Variants in ERBB4 observed in about 807,000 individuals in gnomAD.
The protein encoded by ERBB4 is receptor tyrosine-protein kinase erbB-4.
In ERBB4, 42 loss-of-function variants were observed where a neutral mutation model predicts 158.0. That is an observed-to-expected ratio of 0.27 (90% CI 0.21 to 0.34). The LOEUF (loss-of-function observed/expected upper bound fraction) is 0.34. Ranked by LOEUF, ERBB4 falls within the 10% of genes least tolerant of loss-of-function variation. The probability of loss-of-function intolerance (pLI) is 1.00; values close to 1 mark genes in which losing one functional copy is unlikely to be tolerated. For missense variants in ERBB4, 1,333 were observed against 1,624.1 expected (o/e 0.82, Z 3.08); for synonymous variants, 583 against 558.7 (o/e 1.04, Z -0.61).
At chr2:211,735,043 G>A (rs10932395) in intron 5 of ERBB4, among the ~76,000 whole-genome samples, 101,586 of 151,680 alleles carry the variant, frequency 0.67, 34,878 homozygotes, top group African/African-American at 0.82. Context: ...AAAACACACA[G>A]AACAAAATCC....
rs1209788009 is a variant in ERBB4, at chr2:211,725,189, T to C, written c.628A>G (p.Arg210Gly). 1 of 1,611,754 alleles carries C rather than the reference T, an allele frequency of 6.2e-7. No individual in the cohort carries two copies. The change falls in exon 6 of 28, where the codon AGG becomes GGG. Residue 210 changes from arginine (R) to glycine (G), a missense_variant. Arg to Gly is a moderately radical substitution (Grantham distance 125). Transcript: ENST00000342788. Reference protein sequence around the residue: ...PTENHCQTLTRTVCAEQCDGR... With the variant: ...PTENHCQTLTGTVCAEQCDGR... ...TCACATTGTTCTGCACACACCGTCC[T>C]TGTCACTGCAGAAGACAGAGATAGG...
At chr2:211,450,658 T>C (rs2064223406) in intron 20 of ERBB4, among the ~76,000 whole-genome samples, 1 of 152,152 alleles carries the variant, frequency 6.6e-6, no homozygotes, top group Admixed American at 6.5e-5. Flanking sequence ...TGGATGGTGA[T>C]ATATGCAGGA....
intron 3 of ERBB4, among the ~76,000 whole-genome samples, chr2:211,931,380 A>G (rs936595777): frequency 1.3e-4 from 20 of 152,098 alleles, no homozygotes; most frequent in African/African-American, 4.6e-4. Flanking sequence ...ACCCTAATAG[A>G]GGTCCCTAGA....
intron 1 of ERBB4, among the ~76,000 whole-genome samples, chr2:212,409,167 A>G (rs1283310): frequency 0.61 from 92,716 of 151,934 alleles, 29,951 homozygotes; most frequent in African/African-American, 0.81. Context: ...TAGCTTGGAC[A>G]GGGAACAGGT....
At chr2:212,175,918 T>TAA (rs1253943197) in intron 1 of ERBB4, among the ~76,000 whole-genome samples, 1 of 151,988 alleles carries the variant, frequency 6.6e-6, no homozygotes, top group Non-Finnish European at 1.5e-5. Flanking sequence ...ACCCAGCAGC[T>TAA]AAGACCAATT....
At chr2:211,762,610 C>T (rs2075443699) in intron 4 of ERBB4, among the ~76,000 whole-genome samples, 1 of 152,206 alleles carries the variant, frequency 6.6e-6, no homozygotes, top group African/African-American at 2.4e-5. Flanking sequence ...CTTCATCTGT[C>T]AGATTGCTAG....
In ERBB4 at chr2:212,176,277, C is replaced by T. The variant is rs73073278; in HGVS notation, c.83-51374G>A. Among the ~76,000 whole-genome samples, 1,184 of 151,964 alleles carry T rather than the reference C, an allele frequency of 7.8e-3. 15 individuals carry two copies. Among genetic ancestry groups the T allele is most frequent in the African/African-American group, 0.028 (1,146 of 41,464 alleles). On this transcript the variant is annotated intron_variant, in intron 1 of 27. Coordinates refer to ENST00000342788, the MANE Select transcript of ERBB4 (RefSeq NM_005235.3). The stretch of plus-strand genomic sequence containing the variant: ...CCCCACCCCAATTCAGATGTTGAAG[C>T]CCTAATCCCCAAAGTGATGGTATTT...
At position 211,679,301 on chromosome 2, in the gene ERBB4, CT is replaced by C. The variant is rs67647157; in HGVS notation, c.1490-118del. 154,593 of 1,099,006 alleles carry C rather than the reference CT, an allele frequency of 0.14. 13,055 individuals are homozygous for C. Among genetic ancestry groups the C allele is most frequent in the Non-Finnish European group, 0.17 (127,573 of 742,948 alleles). The allele number at this position is 1,099,006 out of a possible 1,614,324, so 68.1% of individuals were successfully genotyped here. On this transcript the variant is annotated intron_variant, in intron 12 of 27. Coordinates refer to ENST00000342788, the MANE Select transcript of ERBB4 (RefSeq NM_005235.3). ...CTTAAAAGAGATATATGGCAAATGA[CT>C]TTGGTGGCCTATCCCATCGTCATGT...
In ERBB4 at chr2:211,878,044, G is replaced by A. The variant is rs146446671; in HGVS notation, c.421+69386C>T. Among the ~76,000 whole-genome samples, 679 of 152,294 alleles carry A rather than the reference G, an allele frequency of 4.5e-3. 5 individuals carry two copies. Among genetic ancestry groups the A allele is most frequent in the African/African-American group, 0.016 (654 of 41,558 alleles). On this transcript the variant is annotated intron_variant, in intron 3 of 27. Coordinates refer to ENST00000342788, the MANE Select transcript of ERBB4 (RefSeq NM_005235.3). ...AATATCTTGAACCCAGGAGGCAGAG[G>A]TTGCAGTGAGCCTAGATCACGCCAC...
At chr2:212,121,979 T>A (rs1217540338) in intron 2 of ERBB4, among the ~76,000 whole-genome samples, 2 of 151,868 alleles carry the variant, frequency 1.3e-5, no homozygotes, top group Non-Finnish European at 2.9e-5. Context: ...ACCATTAACA[T>A]AGGACCACAC....
chr2:212,469,282 T>C (rs1346334621), intron 1 of ERBB4, among the ~76,000 whole-genome samples: 3 of 152,110 alleles, frequency 2.0e-5, no homozygotes, highest in African/African-American at 7.2e-5. Context: ...TACTTCAAAG[T>C]TTTCTCACAT....
At chr2:211,638,742 G>C (rs1465350077) in intron 16 of ERBB4, among the ~76,000 whole-genome samples, 1 of 152,072 alleles carries the variant, frequency 6.6e-6, no homozygotes, top group Non-Finnish European at 1.5e-5. Context: ...CTTCAGTAGA[G>C]ATATTGCCAT....
intron 21 of ERBB4, among the ~76,000 whole-genome samples, chr2:211,428,704 T>A (rs1158488869): frequency 1.3e-5 from 2 of 152,082 alleles, no homozygotes; most frequent in Non-Finnish European, 1.5e-5. Context: ...AGATGTACTA[T>A]ACTTATTCAT....
intron 1 of ERBB4, among the ~76,000 whole-genome samples, chr2:212,275,762 G>A (rs1307590387): frequency 6.6e-6 from 1 of 151,754 alleles, no homozygotes; most frequent in Non-Finnish European, 1.5e-5. Flanking sequence ...TAAAGAAACT[G>A]CATCAACTAA....
intron 3 of ERBB4, among the ~76,000 whole-genome samples, chr2:211,834,026 C>T (rs1175752072): frequency 1.3e-5 from 2 of 151,982 alleles, no homozygotes; most frequent in Non-Finnish European, 2.9e-5. Flanking sequence ...CCCTTCTAGA[C>T]CTTTAATTTT....
intron 1 of ERBB4, among the ~76,000 whole-genome samples, chr2:212,280,400 C>T (rs1199591439): frequency 6.6e-6 from 1 of 151,542 alleles, no homozygotes; most frequent in African/African-American, 2.4e-5. Flanking sequence ...ATGTCTGAGA[C>T]AAAAAAGCCA....
chr2:211,807,633 ATGT>A (rs2076650709), intron 3 of ERBB4, among the ~76,000 whole-genome samples: 1 of 152,226 alleles, frequency 6.6e-6, no homozygotes. Context: ...CAGTAGCACG[ATGT>A]ATAATCCTTT....
In ERBB4 at chr2:211,905,281, C is replaced by T. The variant is rs1485385527; in HGVS notation, c.421+42149G>A. Among the ~76,000 whole-genome samples the T allele has an allele frequency of 2.0e-5, 3 of 152,000 alleles. No homozygotes were observed. In the South Asian group the frequency reaches 6.2e-4, roughly 32 times the overall value. On this transcript the variant is annotated intron_variant, in intron 3 of 27. Coordinates refer to ENST00000342788, the MANE Select transcript of ERBB4 (RefSeq NM_005235.3). ...CTTCCTTCCATCTCCAAAGCCTTCT[C>T]ATGTTGCCATGACTCTGTTCTCCCC...
chr2:211,804,382 G>A (rs976035136), intron 3 of ERBB4, among the ~76,000 whole-genome samples: 4 of 152,140 alleles, frequency 2.6e-5, no homozygotes, highest in African/African-American at 9.7e-5. Flanking sequence ...ACGTGGCATA[G>A]GAGAAAGGAA....
Sources: allele counts gnomAD v4.1 joint callset (sites outside exome capture counted in the v4.1 genomes callset), GRCh38; gene constraint gnomAD v4.1.1; transcripts MANE v1.5; gene names NCBI Gene and HGNC (gene_info 2026-07-23, HGNC 2026-07-21).